CSF2RA: variants seen among roughly 807,000 people sequenced by gnomAD.
The protein encoded by CSF2RA is colony stimulating factor 2 receptor subunit alpha, also known as granulocyte-macrophage colony-stimulating factor receptor subunit alpha.
CSF2RA carries 42 observed loss-of-function variants against 51.6 expected under a neutral mutation model. The ratio of observed to expected loss-of-function variants is 0.81; its 90% CI spans 0.64 to 1.05. The LOEUF (loss-of-function observed/expected upper bound fraction) is 1.05, where lower values mean the gene tolerates loss of function less well. Among genes scored for constraint, CSF2RA ranks in the 50% least tolerant of loss-of-function variants. CSF2RA has a pLI of 0.00. For missense variants in CSF2RA, 530 were observed against 501.1 expected (o/e 1.06, Z -0.55); for synonymous variants, 222 against 193.0 (o/e 1.15, Z -1.24).
At chrX:1,314,855 T>G (rs761789241), downstream of CSF2RA, among the ~76,000 whole-genome samples, 59 of 102,658 alleles carry the variant, frequency 5.7e-4, 9 homozygotes, top group African/African-American at 2.0e-3. Context: ...CCAATCCCAC[T>G]GCACCTGCCC....
the CSF2RA span, among the ~76,000 whole-genome samples, chrX:1,317,466 G>C: frequency 2.1e-5 from 3 of 143,922 alleles, no homozygotes; most frequent in Non-Finnish European, 3.0e-5. Context: ...AGTCAGGCTG[G>C]TCTCGAACTC....
At chrX:1,305,631 GGACCGCAGCGT>G (rs1400650505) in intron 12 of CSF2RA, 104 bp downstream of exon 12, 1 of 1,613,122 alleles carries the variant, frequency 6.2e-7, no homozygotes, top group Non-Finnish European at 8.5e-7. Context: ...CCACCAGATG[GGACCGCAGCGT>G]CACCACCGGT....
At chrX:1,314,568 A>T (rs1461987456), downstream of CSF2RA, among the ~76,000 whole-genome samples, 25 of 71,018 alleles carry the variant, frequency 3.5e-4, 1 homozygote, top group African/African-American at 1.4e-3. Context: ...GCCCAATCCC[A>T]CTGCACCTGC....
At chrX:1,306,181 T>A (rs2083549583) in intron 12 of CSF2RA, among the ~76,000 whole-genome samples, 1 of 150,312 alleles carries the variant, frequency 6.7e-6, no homozygotes, top group African/African-American at 2.5e-5. Context: ...GAGAGGAATG[T>A]AGAAGAGAAT....
At chrX:1,309,081 T>C (rs1442086311) in intron 12 of CSF2RA, among the ~76,000 whole-genome samples, 2 of 151,994 alleles carry the variant, frequency 1.3e-5, no homozygotes, top group Non-Finnish European at 2.9e-5. Flanking sequence ...GTACAAAATT[T>C]AGCTGGTGGC....
intron 9 of CSF2RA, among the ~76,000 whole-genome samples, chrX:1,296,486 G>A (rs1244587849): frequency 4.3e-5 from 1 of 23,464 alleles, no homozygotes; most frequent in Non-Finnish European, 9.0e-5. Context: ...CCCTACTCAC[G>A]ACCCCTACAG....
At chrX:1,269,438 T>G (rs1225996518) in intron 1 of CSF2RA, among the ~76,000 whole-genome samples, 2 of 151,638 alleles carry the variant, frequency 1.3e-5, no homozygotes, top group Admixed American at 6.6e-5. Flanking sequence ...CTGGCCAACA[T>G]GGAGAAACCC....
chrX:1,322,329 C>G, the CSF2RA span, among the ~76,000 whole-genome samples: 1,464 of 150,018 alleles, frequency 9.8e-3, 9 homozygotes, highest in Admixed American at 0.017. Context: ...AGCCAGGATG[C>G]TCTCGATCTC....
At chrX:1,314,102 C>T (rs1410760225), downstream of CSF2RA, among the ~76,000 whole-genome samples, 4 of 152,140 alleles carry the variant, frequency 2.6e-5, no homozygotes, top group East Asian at 1.9e-4. Context: ...AAGGCTGTGG[C>T]GATCAGCCCC....
chrX:1,316,198 CAGATACAT>C, the CSF2RA span, among the ~76,000 whole-genome samples: 1 of 145,480 alleles, frequency 6.9e-6, no homozygotes, highest in Non-Finnish European at 1.6e-5. Context: ...GACACATAGA[CAGATACAT>C]AGATACATAG....
intron 2 of CSF2RA, among the ~76,000 whole-genome samples, chrX:1,280,339 C>T (rs1426655821): frequency 1.3e-5 from 2 of 151,868 alleles, no homozygotes; most frequent in Non-Finnish European, 1.5e-5. Context: ...GGCATAATGG[C>T]GGGCGCCTAT....
rs867085500 is a variant in CSF2RA at position 1,270,918 on chromosome X, T to C, written c.-91+2039T>C. ...TAGCCGGGGCGTGGTGGCGGGCGCCTGTAATCCCAATATTTTGGAAGGCTG... is the reference window on the plus strand; with the variant it reads ...TAGCCGGGGCGTGGTGGCGGGCGCCCGTAATCCCAATATTTTGGAAGGCTG... On this transcript the variant is annotated intron_variant, in intron 1 of 12. Transcript: ENST00000381529. Among the ~76,000 whole-genome samples the C allele has an allele frequency of 1.2e-3, 103 of 83,380 alleles. 1 individual carries two copies. The highest frequency in any genetic ancestry group is 3.8e-3 in the African/African-American group (44 of 11,532). The allele number at this position is 83,380 out of a possible 152,430, so 54.7% of individuals were successfully genotyped here. A position where few individuals can be genotyped will look rare whatever the true frequency, so the allele number is the denominator to read the frequency against.
chrX:1,317,670 TA>T, the CSF2RA span, among the ~76,000 whole-genome samples: 2 of 151,250 alleles, frequency 1.3e-5, no homozygotes, highest in Non-Finnish European at 2.9e-5. Flanking sequence ...CAAATTTCTG[TA>T]ACGTGCACGC....
intron 3 of CSF2RA, among the ~76,000 whole-genome samples, chrX:1,284,733 C>T (rs1162189783): frequency 7.7e-5 from 11 of 142,942 alleles, no homozygotes; most frequent in African/African-American, 1.1e-4. Context: ...GGCGCGATCT[C>T]GGCTCATTGC....
intron 1 of CSF2RA, among the ~76,000 whole-genome samples, chrX:1,270,051 G>A (rs1361152003): frequency 6.6e-6 from 1 of 151,990 alleles, no homozygotes; most frequent in African/African-American, 2.4e-5. Flanking sequence ...GGAGGTTGCA[G>A]TGAGCCCAGA....
chrX:1,312,441 A>C (rs1424485350), downstream of CSF2RA, among the ~76,000 whole-genome samples: 18 of 151,122 alleles, frequency 1.2e-4, no homozygotes, highest in Non-Finnish European at 2.9e-5. Flanking sequence ...CATCTTTGGG[A>C]CCATTATTCT....
rs368758361 is a variant in CSF2RA, at chrX:1,285,543, A to C, written c.77-235A>C. The C allele has an allele frequency of 2.0e-4, 117 of 577,382 alleles. 1 individual carries two copies. The African/African-American group carries it at 2.1e-3, about 10-fold the overall frequency. 35.8% of individuals were successfully genotyped at this position (577,382 alleles called of 1,614,324 possible). ...ACCCCCATCTCTACTAAAAATACAA[A>C]AATTAGCTGGGCATGGTGGTCGGCG... On this transcript the variant is annotated intron_variant, in intron 3 of 12. Transcript: ENST00000381529.
intron 11 of CSF2RA, 31 bp from the exon 12 acceptor site, chrX:1,305,415 A>C: frequency 6.2e-7 from 1 of 1,613,046 alleles, no homozygotes; most frequent in Non-Finnish European, 8.5e-7. Context: ...CCCGGGGTTC[A>C]TTCTCTTCAC....
chrX:1,294,571 G>A, intron 8 of CSF2RA, 110 bp downstream of exon 8: 2 of 1,416,132 alleles, frequency 1.4e-6, no homozygotes, highest in South Asian at 1.2e-5. Flanking sequence ...ATGCGTGGGT[G>A]GTGAGCGGTG....
Sources: allele counts gnomAD v4.1 joint callset (sites outside exome capture counted in the v4.1 genomes callset), GRCh38; gene constraint gnomAD v4.1.1; transcripts MANE v1.5; gene names NCBI Gene and HGNC (gene_info 2026-07-23, HGNC 2026-07-21).